Variants in CUL2 observed in about 807,000 individuals in gnomAD.
CUL2 encodes the protein cullin 2.
A neutral mutation model predicts 110.2 loss-of-function variants in CUL2; 22 were observed. The ratio of observed to expected loss-of-function variants is 0.20; its 90% CI spans 0.14 to 0.28. CUL2 has a LOEUF of 0.28. CUL2 is among the 10% of genes least tolerant of loss of function. The pLI, the probability that CUL2 is intolerant of heterozygous loss-of-function variation, is 1.00. For synonymous variants in CUL2, 279 were observed against 293.2 expected (o/e 0.95, Z 0.49); for missense variants, 631 against 905.5 (o/e 0.70, Z 3.89).
At chr10:35,091,507 C>G (rs1311923926), upstream of CUL2, among the ~76,000 whole-genome samples, 1 of 152,158 alleles carries the variant, frequency 6.6e-6, no homozygotes, top group Non-Finnish European at 1.5e-5. Flanking sequence ...CATGTTTTCC[C>G]CCTTTTAATC....
intron 9 of CUL2, 121 bp from the exon 10 acceptor site, chr10:35,035,417 C>A: frequency 9.7e-7 from 1 of 1,032,268 alleles, no homozygotes; most frequent in Non-Finnish European, 1.4e-6. Flanking sequence ...AGAGAAAAGT[C>A]CCCCATGCCC....
intron 19 of CUL2, 97 bp from the exon 20 acceptor site, chr10:35,012,061 T>TC (rs2084916918): frequency 1.4e-6 from 1 of 721,806 alleles, no homozygotes; most frequent in Non-Finnish European, 2.2e-6. Flanking sequence ...TACTTTTTTT[T>TC]TTTTTTTTTT....
chr10:35,039,834 G>A (rs2085735330), intron 8 of CUL2, among the ~76,000 whole-genome samples: 1 of 151,630 alleles, frequency 6.6e-6, no homozygotes, highest in African/African-American at 2.4e-5. Flanking sequence ...CAGCCTGTGT[G>A]ACAGAGTGAG....
chr10:35,039,180 A>ATT (rs1449666998), intron 8 of CUL2, 98 bp from the exon 9 acceptor site: 1 of 645,870 alleles, frequency 1.5e-6, no homozygotes, highest in Admixed American at 3.5e-5. Context: ...TAATGGCTGA[A>ATT]TTAAACATGG....
chr10:35,080,735 G>A (rs955802021), intron 1 of CUL2, among the ~76,000 whole-genome samples: 1 of 152,064 alleles, frequency 6.6e-6, no homozygotes. Context: ...GATTACAGGC[G>A]TGTGCCACCG....
chr10:35,113,626 A>C (rs190120432), intron 1 of CUL2, among the ~76,000 whole-genome samples: 1 of 151,802 alleles, frequency 6.6e-6, no homozygotes, highest in East Asian at 1.9e-4. Context: ...AATATAATTC[A>C]TAATCAGGAG....
chr10:35,031,345 T>C lies in CUL2; in HGVS notation c.1341A>G (p.Leu447=). ...CTTCTTCAGAGTCCATAGACATGGA[T>C]AACCCATGAATTAAACGTTTTGCCA... ...RMLAKRLIHG[L]SMSMDSEEAM... The change falls in exon 14 of 21, where the codon TTA becomes TTG. Residue 447 remains leucine (L), a synonymous_variant. Coordinates refer to ENST00000374749, the MANE Select transcript of CUL2 (RefSeq NM_003591.4). The surrounding 1 kb of genome is among the most constrained non-coding windows in gnomAD (Gnocchi z 4.4). 2 of 1,609,298 alleles carry C rather than the reference T, an allele frequency of 1.2e-6. No homozygotes were observed. Among genetic ancestry groups the C allele is most frequent in the Non-Finnish European group, 1.7e-6 (2 of 1,178,034 alleles).
Position 35,009,064 on chromosome 10 carries a change from T to A in CUL2, c.*1247A>T, listed in dbSNP as rs2084829541. The A allele has an allele frequency of 6.6e-6, 1 of 151,324 alleles. No homozygotes were observed. The highest frequency in any genetic ancestry group is 1.9e-4 in the East Asian group (1 of 5,180). The allele number at this position is 151,324 out of a possible 1,614,324, so 9.4% of individuals were successfully genotyped here. On this transcript the variant is annotated 3_prime_UTR_variant, in exon 21 of 21. Transcript: ENST00000374749. The stretch of plus-strand genomic sequence containing the variant: ...AACATGGCGAAACCCCGTCTCTTAT[T>A]TTTTTTAAAATAAAGAAAAATTGTA...
chr10:35,012,968 T>C (rs1342617413), intron 19 of CUL2, among the ~76,000 whole-genome samples: 1 of 152,154 alleles, frequency 6.6e-6, no homozygotes, highest in African/African-American at 2.4e-5. Context: ...ACAATCTGCA[T>C]TTGAACAAGA....
intron 8 of CUL2, among the ~76,000 whole-genome samples, chr10:35,039,689 A>C (rs1229740531): frequency 6.6e-6 from 1 of 152,104 alleles, no homozygotes; most frequent in East Asian, 1.9e-4. Context: ...ATATGGCGAA[A>C]CCCTGTCTCT....
intron 1 of CUL2, among the ~76,000 whole-genome samples, chr10:35,106,043 C>T (rs1229312673): frequency 6.6e-6 from 1 of 152,042 alleles, no homozygotes; most frequent in Non-Finnish European, 1.5e-5. Flanking sequence ...AATGCGTTCC[C>T]CCAAAATTCG....
At position 35,083,111 on chromosome 10, in the gene CUL2, C is replaced by T. The variant is rs991648577; in HGVS notation, c.-23+7068G>A. Among the ~76,000 whole-genome samples the T allele has an allele frequency of 8.2e-5, 12 of 146,506 alleles. No individual in the cohort carries two copies. The South Asian group carries it at 8.5e-4, about 10-fold the overall frequency. On this transcript the variant is annotated intron_variant, in intron 1 of 20. Coordinates refer to ENST00000374749, the MANE Select transcript of CUL2 (RefSeq NM_003591.4). Reference sequence around the variant, plus strand: ...GGCAAAGGTTGCAGTGAGCCAAGATCGAGCCACTGCACTCCAGCCTGCATG... The same window carrying T: ...GGCAAAGGTTGCAGTGAGCCAAGATTGAGCCACTGCACTCCAGCCTGCATG...
At chr10:35,032,529 C>T in intron 11 of CUL2, 35 bp from the exon 12 acceptor site, 1 of 1,530,498 alleles carries the variant, frequency 6.5e-7, no homozygotes, top group Non-Finnish European at 8.8e-7. Flanking sequence ...TAACCACCAG[C>T]CATAGGGAAA....
intron 1 of CUL2, among the ~76,000 whole-genome samples, chr10:35,107,963 C>T (rs1176125010): frequency 2.1e-5 from 3 of 146,200 alleles, no homozygotes; most frequent in East Asian, 4.1e-4. Context: ...TTTCTGTGTA[C>T]TTGTACTCTC....
intron 16 of CUL2, among the ~76,000 whole-genome samples, chr10:35,027,048 T>TTAA (rs1368010320): frequency 6.6e-6 from 1 of 152,026 alleles, no homozygotes; most frequent in African/African-American, 2.4e-5. Context: ...CAAACACTGT[T>TTAA]TAAGGGCATT....
At chr10:35,037,861 G>A (rs2384283) in intron 9 of CUL2, among the ~76,000 whole-genome samples, 44,478 of 151,300 alleles carry the variant, frequency 0.29, 7,047 homozygotes, top group South Asian at 0.35. Flanking sequence ...AAAACAAAAA[G>A]CCTGATTAAT....
At chr10:35,035,086 C>G (rs1053626744) in intron 10 of CUL2, 86 bp downstream of exon 10, 3 of 1,477,088 alleles carry the variant, frequency 2.0e-6, no homozygotes, top group Admixed American at 3.8e-5. Flanking sequence ...CTTTTTCTTT[C>G]ATCTTTCAAA....
chr10:35,047,165 A>C (rs1035323145), intron 6 of CUL2, among the ~76,000 whole-genome samples: 22 of 152,318 alleles, frequency 1.4e-4, no homozygotes, highest in African/African-American at 5.3e-4. Flanking sequence ...CCTAGAAAAC[A>C]ATTTTAAATA....
intron 1 of CUL2, among the ~76,000 whole-genome samples, chr10:35,111,253 AAG>A (rs200888055): frequency 2.6e-5 from 4 of 151,438 alleles, no homozygotes; most frequent in African/African-American, 4.8e-5. Flanking sequence ...CTCTTATGAG[AAG>A]ATTTTTTTTT....
Sources: gnomAD v4.1 joint callset for allele counts (sites outside exome capture counted in the v4.1 genomes callset) on GRCh38, gnomAD v4.1.1 for gene constraint, Gnocchi (gnomAD v3.1) non-coding constraint, MANE v1.5 for transcripts, NCBI Gene and HGNC (gene_info 2026-07-23, HGNC 2026-07-21) for gene names.